The following ABLIM2 variants were observed in gnomAD, a reference collection of about 807,000 sequenced individuals.
ABLIM2 encodes the protein actin binding LIM protein family member 2.
Under a neutral mutation model 97.7 loss-of-function variants are expected in ABLIM2, and 53 were observed. The ratio of observed to expected loss-of-function variants is 0.54; its 90% confidence interval spans 0.44 to 0.68. The LOEUF (loss-of-function observed/expected upper bound fraction) is 0.68. Among genes scored for constraint, ABLIM2 ranks in the 30% least tolerant of loss-of-function variants. ABLIM2 has a pLI of 0.00. For missense variants in ABLIM2, 835 were observed against 867.2 expected (o/e 0.96, Z 0.47); for synonymous variants, 361 against 345.8 (o/e 1.04, Z -0.49).
At chr4:8,137,033 G>A (rs995123486) in intron 1 of ABLIM2, among the ~76,000 whole-genome samples, 1 of 152,196 alleles carries the variant, frequency 6.6e-6, no homozygotes, top group Admixed American at 6.5e-5. Flanking sequence ...CAGTGAGAAG[G>A]CCCCATCTAT....
chr4:8,085,344 A>G lies in ABLIM2; in HGVS notation c.454+2825T>C, dbSNP rs576994333. ...ACTCTACCCCACTCCACAACCATCTATTGCTCCTCACGGCCTCCAGATGTA... is the reference window on the plus strand; with the variant it reads ...ACTCTACCCCACTCCACAACCATCTGTTGCTCCTCACGGCCTCCAGATGTA... On this transcript the variant is annotated intron_variant, in intron 4 of 20. Coordinates refer to ENST00000447017, the MANE Select transcript of ABLIM2 (RefSeq NM_001130083.2). The surrounding 1 kb of genome is among the most constrained non-coding windows in gnomAD (Gnocchi z 6.1). Among the ~76,000 whole-genome samples, 1 of 151,984 alleles carries G rather than the reference A, an allele frequency of 6.6e-6. No individual in the cohort carries two copies. The highest frequency in any genetic ancestry group is 1.5e-5 in the Non-Finnish European group (1 of 67,918).
Position 8,037,286 on chromosome 4 carries a change from G to A in ABLIM2, c.901-991C>T, listed in dbSNP as rs549749954. ...TACACATACATGTGCACACACATAC[G>A]CACACATGCACACACACACGCACAT... On this transcript the variant is annotated intron_variant, in intron 9 of 20. Transcript: ENST00000447017. Among the ~76,000 whole-genome samples the A allele has an allele frequency of 1.8e-4, 27 of 151,494 alleles. 1 individual carries two copies. In the South Asian group the frequency reaches 1.9e-3, roughly 11 times the overall value.
In ABLIM2 at chr4:8,019,159, T is replaced by C. The variant is rs564020161; in HGVS notation, c.1423+459A>G. Among the ~76,000 whole-genome samples, 1 of 152,310 alleles carries C rather than the reference T, an allele frequency of 6.6e-6. No individual in the cohort carries two copies. The highest frequency in any genetic ancestry group is 1.5e-5 in the Non-Finnish European group (1 of 68,020). On this transcript the variant is annotated intron_variant, in intron 14 of 20. Transcript: ENST00000447017. This position sits in a 1 kb window ranked among gnomAD's most constrained non-coding sequence, Gnocchi z 4.3. ...GAAGGCAAGGTCACCCATCCCATCATCAGAAATTCTCAAAACTCAAGACTA... is the reference window on the plus strand; with the variant it reads ...GAAGGCAAGGTCACCCATCCCATCACCAGAAATTCTCAAAACTCAAGACTA...
rs184089435 is a variant in ABLIM2, at chr4:8,000,058, C to T, written c.1619-7131G>A. On this transcript the variant is annotated intron_variant, in intron 16 of 20. Coordinates refer to ENST00000447017, the MANE Select transcript of ABLIM2 (RefSeq NM_001130083.2). ...ACCACTCACTTGGGCAGTTCCCATC[C>T]GCTCCTGGGTGCACGGGCAGGAGGC... Among the ~76,000 whole-genome samples, 57 of 152,268 alleles carry T rather than the reference C, an allele frequency of 3.7e-4. No homozygotes were observed. The East Asian group carries it at 5.6e-3, about 15-fold the overall frequency.
At chr4:8,091,998 A>AAT (rs935126623) in intron 3 of ABLIM2, among the ~76,000 whole-genome samples, 12 of 137,658 alleles carry the variant, frequency 8.7e-5, no homozygotes, top group Non-Finnish European at 1.5e-4. Flanking sequence ...TATATAATAT[A>AAT]ATATATATAT....
rs1023061575 is a variant in ABLIM2, at chr4:8,151,887, G to C, written c.10+6793C>G. ...GTGGGGGAGTCGGAGCAGAGGGTCA[G>C]GGTTCCAGGGGGGCACATGGGCTCA... On this transcript the variant is annotated intron_variant, in intron 1 of 20. Coordinates refer to ENST00000447017, the MANE Select transcript of ABLIM2 (RefSeq NM_001130083.2). Among the ~76,000 whole-genome samples, 4 of 151,898 alleles carry C rather than the reference G, an allele frequency of 2.6e-5. No individual in the cohort carries two copies. The South Asian group carries it at 6.2e-4, about 24-fold the overall frequency.
At position 8,008,903 on chromosome 4, in the gene ABLIM2, G is replaced by A; in HGVS notation, c.1476+147C>T. On this transcript the variant is annotated intron_variant, in intron 15 of 20. Coordinates refer to ENST00000447017, the MANE Select transcript of ABLIM2 (RefSeq NM_001130083.2). Reference sequence around the variant, plus strand: ...TCCTAAATGTAGGAAGGAAACTGATGGAAGGGCCTCCTACCTTTGGCCTCG... The same window carrying A: ...TCCTAAATGTAGGAAGGAAACTGATAGAAGGGCCTCCTACCTTTGGCCTCG... The A allele has an allele frequency of 3.6e-6, 3 of 832,900 alleles. No homozygotes were observed. In the South Asian group the frequency reaches 5.0e-5, roughly 14 times the overall value. 51.6% of individuals were successfully genotyped at this position (832,900 alleles called of 1,614,324 possible).
chr4:8,094,693 T>C (rs540994928), intron 3 of ABLIM2, among the ~76,000 whole-genome samples: 6 of 152,348 alleles, frequency 3.9e-5, no homozygotes, highest in African/African-American at 1.4e-4. Context: ...TTCTGCCTTT[T>C]AGGTTTTACT....
chr4:8,139,121 C>T (rs1290829438), intron 1 of ABLIM2, among the ~76,000 whole-genome samples: 3 of 151,984 alleles, frequency 2.0e-5, no homozygotes, highest in African/African-American at 7.3e-5. Context: ...TGCTTGAACC[C>T]AGGAGGCGGA....
At chr4:8,119,745 T>A (rs917172745) in intron 1 of ABLIM2, among the ~76,000 whole-genome samples, 3 of 152,108 alleles carry the variant, frequency 2.0e-5, no homozygotes, top group African/African-American at 7.2e-5. Flanking sequence ...AAACAAACAA[T>A]CAAACAAACA....
chr4:8,076,721 G>C (rs868569402), intron 6 of ABLIM2, among the ~76,000 whole-genome samples: 1 of 150,544 alleles, frequency 6.6e-6, no homozygotes. Flanking sequence ...CTGAGGCAAG[G>C]AGGGGCTGCA....
intron 11 of ABLIM2, among the ~76,000 whole-genome samples, chr4:8,028,546 C>T (rs1457277241): frequency 2.6e-5 from 4 of 152,194 alleles, no homozygotes; most frequent in Admixed American, 6.5e-5. Context: ...AATTCATTCA[C>T]TCACCAATTC....
chr4:8,127,196 G>A lies in ABLIM2; in HGVS notation c.11-20559C>T, dbSNP rs1317263099. On this transcript the variant is annotated intron_variant, in intron 1 of 20. Coordinates refer to ENST00000447017, the MANE Select transcript of ABLIM2 (RefSeq NM_001130083.2). This position sits in a 1 kb window ranked among gnomAD's most constrained non-coding sequence, Gnocchi z 7.3. The stretch of plus-strand genomic sequence containing the variant: ...AAAAGGGAGGGAGGGAGGCCCAGAC[G>A]CTGTGGTCAGTGGGTGCTGGAGTCC... Among the ~76,000 whole-genome samples, 1 of 152,140 alleles carries A rather than the reference G, an allele frequency of 6.6e-6. No homozygotes were observed. Among genetic ancestry groups the A allele is most frequent in the Non-Finnish European group, 1.5e-5 (1 of 68,022 alleles).
At chr4:8,008,350 A>G (rs1248042963) in intron 15 of ABLIM2, 150 bp from the exon 16 acceptor site, 1 of 758,938 alleles carries the variant, frequency 1.3e-6, no homozygotes, top group Non-Finnish European at 2.1e-6. Context: ...GCAGCTTTCA[A>G]TAAAAATCTT....
chr4:8,020,172 G>C lies in ABLIM2; in HGVS notation c.1369+30C>G, dbSNP rs1373994830. ...TTCGGTGTGGACAGTTTCAGTGTAAGGAGCCCAGCCAGCGTGTCCCGGAGC... is the reference window on the plus strand; with the variant it reads ...TTCGGTGTGGACAGTTTCAGTGTAACGAGCCCAGCCAGCGTGTCCCGGAGC... On this transcript the variant is annotated intron_variant, in intron 13 of 20. Transcript: ENST00000447017. 3.1e-6 allele frequency: 5 copies of C among 1,597,254 alleles called. No individual in the cohort carries two copies. The Middle Eastern group carries it at 5.7e-4, about 183-fold the overall frequency.
rs1305699121 is a variant in ABLIM2, at chr4:8,088,231, C to T, written c.392G>A (p.Cys131Tyr). ...CGATACGGGCAGGGAACACTTCTGG[C>T]ACATGCATTCCTTCCCGTTGAAGGT... ...RVTFNGKECMCQKCSLPVSVG... is the reference protein window; with the variant it reads ...RVTFNGKECMYQKCSLPVSVG... Residue 131 changes from cysteine to tyrosine, a missense_variant, in exon 4 of 21, where the codon TGC becomes TAC. Coordinates refer to ENST00000447017, the MANE Select transcript of ABLIM2 (RefSeq NM_001130083.2). The T allele has an allele frequency of 2.5e-6, 4 of 1,613,086 alleles. No homozygotes were observed. Among genetic ancestry groups the T allele is most frequent in the Non-Finnish European group, 3.4e-6 (4 of 1,179,684 alleles).
chr4:7,990,366 T>C (rs1329003348), intron 17 of ABLIM2, among the ~76,000 whole-genome samples: 2 of 151,962 alleles, frequency 1.3e-5, no homozygotes, highest in Non-Finnish European at 2.9e-5. Flanking sequence ...CCTTGCTAAT[T>C]TTTGTATTTT....
rs913207639 is a variant in ABLIM2 at position 8,046,086 on chromosome 4, G to C, written c.823-845C>G. Among the ~76,000 whole-genome samples, 3 of 152,138 alleles carry C rather than the reference G, an allele frequency of 2.0e-5. No homozygotes were observed. The highest frequency in any genetic ancestry group is 7.2e-5 in the African/African-American group (3 of 41,430). ...GCCACTCTCCCAACTGCACCTGTGG[G>C]CTTGTCCTGGCCTTTTTGCTGCTGT... is the stretch of plus-strand genomic sequence containing the variant. On this transcript the variant is annotated intron_variant, in intron 8 of 20. Coordinates refer to ENST00000447017, the MANE Select transcript of ABLIM2 (RefSeq NM_001130083.2). The surrounding 1 kb of genome is among the most constrained non-coding windows in gnomAD (Gnocchi z 4.4).
At chr4:8,154,907 G>A (rs565722437) in intron 1 of ABLIM2, among the ~76,000 whole-genome samples, 5 of 152,336 alleles carry the variant, frequency 3.3e-5, no homozygotes, top group South Asian at 2.1e-4. Context: ...GACGAAGGAG[G>A]GGCAAAGGGA....
Sources: allele counts gnomAD v4.1 joint callset (sites outside exome capture counted in the v4.1 genomes callset), GRCh38; gene constraint gnomAD v4.1.1; non-coding constraint Gnocchi (gnomAD v3.1); transcripts MANE v1.5; gene names NCBI Gene and HGNC (gene_info 2026-07-23, HGNC 2026-07-21).